Variants in BIN2 observed in about 807,000 individuals in gnomAD.
BIN2 encodes the protein bridging integrator 2, also known as breast cancer associated protein BRAP1.
In BIN2, 43 loss-of-function variants were observed where a neutral mutation model predicts 67.9. The ratio of observed to expected loss-of-function variants is 0.63; its 90% confidence interval spans 0.50 to 0.82. BIN2 has a LOEUF of 0.82. Among genes scored for constraint, BIN2 ranks in the 40% least tolerant of loss-of-function variants. The pLI is 0.00. For missense variants in BIN2, 581 were observed against 671.6 expected (o/e 0.87, Z 1.49); for synonymous variants, 244 against 246.8 (o/e 0.99, Z 0.11).
chr12:51,297,289 CT>C, intron 7 of BIN2, 125 bp from the exon 8 acceptor site: 1 of 896,078 alleles, frequency 1.1e-6, no homozygotes, highest in Non-Finnish European at 1.7e-6. Flanking sequence ...AGCCATCCCG[CT>C]GGGCACAGTG....
intron 4 of BIN2, chr12:51,302,473 G>T: frequency 1.8e-6 from 1 of 562,692 alleles, no homozygotes; most frequent in Non-Finnish European, 3.2e-6. Flanking sequence ...GGAGAAGAGG[G>T]TCAAAATTAG....
At chr12:51,284,172 C>T (rs1945183997) in intron 12 of BIN2, among the ~76,000 whole-genome samples, 1 of 152,132 alleles carries the variant, frequency 6.6e-6, no homozygotes, top group South Asian at 2.1e-4. Flanking sequence ...GTGCCCTATA[C>T]AAGTGTATCA....
upstream of BIN2, chr12:51,324,211 C>G: frequency 6.7e-7 from 1 of 1,497,694 alleles, no homozygotes; most frequent in Non-Finnish European, 8.9e-7. Context: ...GGCCCCAGCC[C>G]TGAGCCACCT....
At chr12:51,298,111 C>G (rs1376010619) in intron 7 of BIN2, among the ~76,000 whole-genome samples, 1 of 151,786 alleles carries the variant, frequency 6.6e-6, no homozygotes, top group Non-Finnish European at 1.5e-5. Context: ...CGGTGGCTCA[C>G]GCGTGTAATC....
At chr12:51,307,574 T>C (rs2137414954) in intron 2 of BIN2, among the ~76,000 whole-genome samples, 1 of 151,806 alleles carries the variant, frequency 6.6e-6, no homozygotes, top group Non-Finnish European at 1.5e-5. Flanking sequence ...CTGGGTGTGG[T>C]AGTATACGCC....
At chr12:51,304,932 G>GT (rs1192081723) in intron 2 of BIN2, among the ~76,000 whole-genome samples, 2 of 151,972 alleles carry the variant, frequency 1.3e-5, no homozygotes, top group Non-Finnish European at 2.9e-5. Flanking sequence ...CAGGAGAATG[G>GT]GCATGAACCC....
chr12:51,288,480 C>T (rs561315116), intron 10 of BIN2, among the ~76,000 whole-genome samples: 31 of 152,312 alleles, frequency 2.0e-4, no homozygotes, highest in African/African-American at 6.7e-4. Context: ...TCCTTCCCTA[C>T]TTAATTTTTC....
At chr12:51,292,487 T>C (rs1278622078) in intron 9 of BIN2, 143 bp from the exon 10 acceptor site, 1 of 973,646 alleles carries the variant, frequency 1.0e-6, no homozygotes, top group Non-Finnish European at 1.4e-6. Flanking sequence ...ATAACACTTA[T>C]ACAGTGAAAT....
At chr12:51,300,011 C>T (rs572552877) in intron 5 of BIN2, among the ~76,000 whole-genome samples, 42 of 151,898 alleles carry the variant, frequency 2.8e-4, no homozygotes, top group Non-Finnish European at 8.8e-5. Context: ...CTAATTTTTG[C>T]ATTTTTAGTA....
Position 51,324,034 on chromosome 12 carries a change from C to G in BIN2, c.69G>C (p.Arg23Ser). Residue 23 changes from arginine to serine, a missense_variant, in exon 1 of 13, where the codon AGG (arginine) becomes AGC (serine). Physicochemically the swap from Arg to Ser is moderately radical, Grantham distance 110. Coordinates refer to ENST00000615107, the MANE Select transcript of BIN2 (RefSeq NM_016293.4). ...FAKQVQKKFSRAQEKVLQKLG... is the reference protein window; with the variant it reads ...FAKQVQKKFSSAQEKVLQKLG... ...CCCGGCCACCTACCTTCTCCTGGGC[C>G]CTGCTAAACTTCTTCTGCACCTGCT... 2 of 1,613,592 alleles carry G rather than the reference C, an allele frequency of 1.2e-6. No individual in the cohort carries two copies. Among genetic ancestry groups the G allele is most frequent in the Non-Finnish European group, 1.7e-6 (2 of 1,179,710 alleles).
chr12:51,323,909 G>C (rs1301636380), intron 1 of BIN2, 113 bp downstream of exon 1: 1 of 1,330,774 alleles, frequency 7.5e-7, no homozygotes, highest in Non-Finnish European at 1.0e-6. Flanking sequence ...CTTCTCGTCA[G>C]CCCAGACCCT....
intron 11 of BIN2, 151 bp from the exon 12 acceptor site, chr12:51,284,938 A>T (rs1442835258): frequency 1.6e-6 from 1 of 607,788 alleles, no homozygotes; most frequent in African/African-American, 1.8e-5. Context: ...CCAGAGCCTG[A>T]AGGCATCGGG....
At chr12:51,307,006 C>T (rs1945879543) in intron 2 of BIN2, among the ~76,000 whole-genome samples, 1 of 152,066 alleles carries the variant, frequency 6.6e-6, no homozygotes. Context: ...AAGGCTTGGC[C>T]GGGCACAGTG....
rs1424960673 is a variant in BIN2, at chr12:51,324,028, C to T, written c.75G>A (p.Gln25=). 1 of 1,613,580 alleles carries T rather than the reference C, an allele frequency of 6.2e-7. No homozygotes were observed. The highest frequency in any genetic ancestry group is 8.5e-7 in the Non-Finnish European group (1 of 1,179,696). ...KQVQKKFSRA[Q]EKVLQKLGKA... ...GCGAGGCCCGGCCACCTACCTTCTCCTGGGCCCTGCTAAACTTCTTCTGCA... is the reference window on the plus strand; with the variant it reads ...GCGAGGCCCGGCCACCTACCTTCTCTTGGGCCCTGCTAAACTTCTTCTGCA... The change falls in exon 1 of 13, where the codon CAG becomes CAA. Residue 25 remains glutamine, a synonymous_variant. Coordinates refer to ENST00000615107, the MANE Select transcript of BIN2 (RefSeq NM_016293.4).
intron 11 of BIN2, 105 bp from the exon 12 acceptor site, chr12:51,284,892 GTACTAT>G: frequency 2.4e-6 from 2 of 848,586 alleles, no homozygotes; most frequent in Non-Finnish European, 4.0e-6. Flanking sequence ...CTCAGTATTT[GTACTAT>G]TACAAAGGGC....
intron 5 of BIN2, 103 bp from the exon 6 acceptor site, chr12:51,299,817 T>C: frequency 1.9e-6 from 2 of 1,027,224 alleles, no homozygotes; most frequent in South Asian, 1.3e-5. Context: ...CATCCTACTA[T>C]CAAATTTCAC....
At chr12:51,314,343 T>C (rs1370172578) in intron 1 of BIN2, among the ~76,000 whole-genome samples, 2 of 151,818 alleles carry the variant, frequency 1.3e-5, no homozygotes, top group Non-Finnish European at 2.9e-5. Context: ...CCAACATGCC[T>C]GGCCTTGAAG....
Position 51,299,628 on chromosome 12 carries a change from T to C in BIN2, c.495A>G (p.Lys165=), listed in dbSNP as rs201767225. The C allele has an allele frequency of 6.2e-7, 1 of 1,614,172 alleles. No individual in the cohort carries two copies. Among genetic ancestry groups the C allele is most frequent in the East Asian group, 2.2e-5 (1 of 44,890 alleles). Residue 165 remains lysine (K), a synonymous_variant, in exon 6 of 13, where the codon AAA becomes AAG. Transcript: ENST00000615107. ...HLEAVQNAKK[K]DEAKTAKAEE... ...TTACCTTGGCAGTCTTGGCCTCATCTTTCTTCTTGGCATTCTGCACTGCCT... is the reference window on the plus strand; with the variant it reads ...TTACCTTGGCAGTCTTGGCCTCATCCTTCTTCTTGGCATTCTGCACTGCCT...
At chr12:51,304,438 ATG>A (rs1399548830) in intron 2 of BIN2, among the ~76,000 whole-genome samples, 6 of 151,940 alleles carry the variant, frequency 3.9e-5, no homozygotes, top group African/African-American at 1.5e-4. Flanking sequence ...TCTCCTTCCT[ATG>A]TGTAAACTCA....
Sources: allele counts gnomAD v4.1 joint callset (sites outside exome capture counted in the v4.1 genomes callset), GRCh38; gene constraint gnomAD v4.1.1; transcripts MANE v1.5; gene names NCBI Gene and HGNC (gene_info 2026-07-23, HGNC 2026-07-21).